PLAC8: variants seen among roughly 807,000 people sequenced by gnomAD.
PLAC8 encodes placenta associated 8.
Under a neutral mutation model 12.6 loss-of-function variants are expected in PLAC8, and 6 were observed. That is an observed-to-expected ratio of 0.48 (90% CI 0.26 to 0.94). The LOEUF (loss-of-function observed/expected upper bound fraction) is 0.94, where lower values mean the gene tolerates loss of function less well. Among genes scored for constraint, PLAC8 ranks in the 40% least tolerant of loss-of-function variants. The pLI is 0.14. For missense variants in PLAC8, 122 were observed against 152.7 expected, an observed-to-expected ratio of 0.80 and a Z score of 1.06; for synonymous variants, 54 against 52.6, an observed-to-expected ratio of 1.03 and a Z score of -0.11.
chr4:83,102,523 A>G (rs759345801), intron 3 of PLAC8, among the ~76,000 whole-genome samples: 3 of 152,098 alleles, frequency 2.0e-5, no homozygotes, highest in Non-Finnish European at 4.4e-5. Flanking sequence ...TGGGTGACAG[A>G]GTGAGACCCT....
At chr4:83,109,914 C>T (rs1732365093) in intron 1 of PLAC8, 1 of 152,402 alleles carries the variant, frequency 6.6e-6, no homozygotes, top group Admixed American at 6.5e-5. Context: ...CAGAATCTAT[C>T]CCAAGGAGAC....
intron 3 of PLAC8, 140 bp from the exon 4 acceptor site, chr4:83,094,931 C>T (rs1158153128): frequency 2.1e-6 from 1 of 485,438 alleles, no homozygotes; most frequent in African/African-American, 2.0e-5. Context: ...AATATTACCT[C>T]ACTTTTTCAC....
chr4:83,109,550 G>A (rs942342836), intron 1 of PLAC8, among the ~76,000 whole-genome samples: 1 of 152,196 alleles, frequency 6.6e-6, no homozygotes, highest in African/African-American at 2.4e-5. Flanking sequence ...CCCTGTTGAG[G>A]GGCAGAGCCG....
chr4:83,101,717 T>C (rs1294298946), intron 3 of PLAC8, among the ~76,000 whole-genome samples: 2 of 152,240 alleles, frequency 1.3e-5, no homozygotes, highest in Non-Finnish European at 1.5e-5. Flanking sequence ...TGTTAGGAGA[T>C]AATGCAACTG....
At chr4:83,101,981 C>T (rs1732111350) in intron 3 of PLAC8, among the ~76,000 whole-genome samples, 2 of 152,250 alleles carry the variant, frequency 1.3e-5, no homozygotes, top group South Asian at 4.1e-4. Flanking sequence ...TTACTGTTCA[C>T]TAACAATGTA....
intron 1 of PLAC8, among the ~76,000 whole-genome samples, chr4:83,113,254 G>A (rs977210492): frequency 6.6e-6 from 1 of 152,164 alleles, no homozygotes; most frequent in Non-Finnish European, 1.5e-5. Context: ...GCTTCGGTGA[G>A]AATTCGAAAA....
At chr4:83,092,301 A>G (rs1448348031) in intron 4 of PLAC8, among the ~76,000 whole-genome samples, 1 of 152,198 alleles carries the variant, frequency 6.6e-6, no homozygotes, top group Non-Finnish European at 1.5e-5. Flanking sequence ...TGTTGGAATG[A>G]TCTAACTCCC....
chr4:83,110,773 GA>G (rs1732407154), intron 1 of PLAC8, among the ~76,000 whole-genome samples: 1 of 152,228 alleles, frequency 6.6e-6, no homozygotes, highest in Admixed American at 6.5e-5. Flanking sequence ...TAACATGGTC[GA>G]AACCATATTT....
At chr4:83,104,795 A>T (rs1220856861) in intron 3 of PLAC8, 101 bp downstream of exon 3, 1 of 1,304,398 alleles carries the variant, frequency 7.7e-7, no homozygotes, top group African/African-American at 1.5e-5. Flanking sequence ...ACTCTTATCA[A>T]TCAATTTCAG....
chr4:83,110,651 A>T (rs1223522248), intron 1 of PLAC8, among the ~76,000 whole-genome samples: 1 of 152,198 alleles, frequency 6.6e-6, no homozygotes, highest in African/African-American at 2.4e-5. Flanking sequence ...GGTGCATAGC[A>T]AACAGTGGCG....
intron 1 of PLAC8, chr4:83,109,889 T>C (rs1407731834): frequency 6.6e-6 from 1 of 152,260 alleles, no homozygotes; most frequent in African/African-American, 2.4e-5. Context: ...GGTAAATTCT[T>C]AAGAGCAGCC....
At chr4:83,112,129 G>A (rs768010502) in intron 1 of PLAC8, among the ~76,000 whole-genome samples, 7 of 149,532 alleles carry the variant, frequency 4.7e-5, no homozygotes, top group Non-Finnish European at 8.9e-5. Context: ...AGCCAAGATC[G>A]TGCCATTGCA....
chr4:83,102,383 TA>T (rs1202859773), intron 3 of PLAC8, among the ~76,000 whole-genome samples: 1 of 151,638 alleles, frequency 6.6e-6, no homozygotes, highest in Non-Finnish European at 1.5e-5. Context: ...AAAATAAAAA[TA>T]AAAAATTAAC....
intron 1 of PLAC8, among the ~76,000 whole-genome samples, chr4:83,110,318 G>T (rs1047246444): frequency 3.0e-5 from 4 of 135,584 alleles, no homozygotes; most frequent in African/African-American, 1.1e-4. Flanking sequence ...ACACGCCCAC[G>T]TGTAAGAGTA....
chr4:83,091,365 A>AG (rs1370178231), intron 4 of PLAC8, among the ~76,000 whole-genome samples: 1 of 152,104 alleles, frequency 6.6e-6, no homozygotes, highest in Non-Finnish European at 1.5e-5. Context: ...AGTTTTCAGG[A>AG]GGAGTAGTCA....
At chr4:83,111,901 C>T (rs1296134637) in intron 1 of PLAC8, among the ~76,000 whole-genome samples, 2 of 152,054 alleles carry the variant, frequency 1.3e-5, no homozygotes, top group African/African-American at 4.8e-5. Context: ...CTATAGTAAG[C>T]AGCTGTATCG....
chr4:83,095,300 C>G (rs1560451711), intron 3 of PLAC8, among the ~76,000 whole-genome samples: 1 of 152,116 alleles, frequency 6.6e-6, no homozygotes, highest in Non-Finnish European at 1.5e-5. Context: ...GTGATTTCAT[C>G]ATGAAGATGA....
Position 83,107,963 on chromosome 4 carries a change from A to T in PLAC8, c.-29-13T>A. 2.2e-6 allele frequency: 1 copy of T among 451,690 alleles called. No individual in the cohort carries two copies. Among genetic ancestry groups the T allele is most frequent in the Non-Finnish European group, 3.4e-6 (1 of 298,126 alleles). The allele number at this position is 451,690 out of a possible 1,614,324, so 28.0% of individuals were successfully genotyped here. A position where few individuals can be genotyped will look rare whatever the true frequency, so the allele number is the denominator to read the frequency against. ...TAAAAGCAGTGGACTGAAAAGGCAG[A>T]GTGGTGTTAGAAATCTCTGTTGTGG... On this transcript the variant is annotated splice_polypyrimidine_tract_variant and intron_variant, in intron 1 of 4. Coordinates refer to ENST00000311507, the MANE Select transcript of PLAC8 (RefSeq NM_016619.3).
chr4:83,111,462 A>G (rs1206192770), intron 1 of PLAC8, among the ~76,000 whole-genome samples: 1 of 151,818 alleles, frequency 6.6e-6, no homozygotes, highest in African/African-American at 2.4e-5. Flanking sequence ...TGACAGAGCG[A>G]GACTCTTATC....
Sources: allele counts gnomAD v4.1 joint callset (sites outside exome capture counted in the v4.1 genomes callset), GRCh38; gene constraint gnomAD v4.1.1; transcripts MANE v1.5; gene names NCBI Gene and HGNC (gene_info 2026-07-23, HGNC 2026-07-21).